DTWD2: variants seen among roughly 807,000 people sequenced by gnomAD.
The protein encoded by DTWD2 is tRNA-uridine aminocarboxypropyltransferase 2.
In DTWD2, 39 loss-of-function variants were observed where a neutral mutation model predicts 31.8. That is an observed-to-expected ratio of 1.22 (90% CI 0.95 to 1.60). The LOEUF (loss-of-function observed/expected upper bound fraction) is 1.60, where lower values mean the gene tolerates loss of function less well. Ranked by LOEUF, DTWD2 falls within the 40% of genes most tolerant of loss-of-function variation. DTWD2 has a pLI of 0.00. For missense variants in DTWD2, 515 were observed against 381.5 expected, an observed-to-expected ratio of 1.35 and a Z score of -2.92; for synonymous variants, 180 against 142.8, an observed-to-expected ratio of 1.26 and a Z score of -1.86.
At chr5:118,864,363 C>T (rs1752334863) in intron 4 of DTWD2, among the ~76,000 whole-genome samples, 1 of 150,916 alleles carries the variant, frequency 6.6e-6, no homozygotes, top group African/African-American at 2.4e-5. Flanking sequence ...GGGAACATCA[C>T]ACTCTGGGGA....
intron 1 of DTWD2, among the ~76,000 whole-genome samples, chr5:118,947,687 T>C (rs1167090958): frequency 2.0e-5 from 3 of 152,182 alleles, no homozygotes; most frequent in Admixed American, 6.5e-5. Context: ...CTTTGGGGCA[T>C]AGTTCCAGGC....
At chr5:118,891,728 C>T (rs974019161) in intron 4 of DTWD2, among the ~76,000 whole-genome samples, 4 of 152,148 alleles carry the variant, frequency 2.6e-5, no homozygotes, top group South Asian at 2.1e-4. Flanking sequence ...ATAAGATACA[C>T]TGAATGACAG....
chr5:118,884,344 A>T (rs2149556154), intron 4 of DTWD2, among the ~76,000 whole-genome samples: 1 of 152,290 alleles, frequency 6.6e-6, no homozygotes, highest in South Asian at 2.1e-4. Context: ...GAGTTCTAGA[A>T]ATGTTAAGTT....
At position 118,886,044 on chromosome 5, in the gene DTWD2, T is replaced by G. The variant is rs546295702; in HGVS notation, c.598-37826A>C. Among the ~76,000 whole-genome samples, 244 of 152,316 alleles carry G rather than the reference T, an allele frequency of 1.6e-3. 2 individuals are homozygous for G. Among genetic ancestry groups the G allele is most frequent in the African/African-American group, 5.7e-3 (237 of 41,570 alleles). On this transcript the variant is annotated intron_variant, in intron 4 of 5. Transcript: ENST00000510708. ...AAAAGAAAGGGGACCTTGGGGGAACTACCTAATAAGCCAGACCCATACAGA... is the reference window on the plus strand; with the variant it reads ...AAAAGAAAGGGGACCTTGGGGGAACGACCTAATAAGCCAGACCCATACAGA...
chr5:118,965,217 T>TG (rs1754808289), intron 1 of DTWD2, among the ~76,000 whole-genome samples: 1 of 151,566 alleles, frequency 6.6e-6, no homozygotes, highest in African/African-American at 2.4e-5. Context: ...CCGCCCCATC[T>TG]GGGAAGTGAG....
chr5:118,970,603 A>C (rs926013179), intron 1 of DTWD2, among the ~76,000 whole-genome samples: 1 of 152,182 alleles, frequency 6.6e-6, no homozygotes, highest in African/African-American at 2.4e-5. Flanking sequence ...CAACCTAGCA[A>C]GACAAGCCAA....
chr5:118,896,693 C>CG (rs1753091445), intron 4 of DTWD2, among the ~76,000 whole-genome samples: 5 of 152,218 alleles, frequency 3.3e-5, no homozygotes, highest in Admixed American at 6.5e-5. Flanking sequence ...TCAATTAATA[C>CG]TGCTCAGAAT....
At chr5:118,895,415 T>C (rs560806996) in intron 4 of DTWD2, among the ~76,000 whole-genome samples, 11 of 152,310 alleles carry the variant, frequency 7.2e-5, no homozygotes, top group African/African-American at 1.9e-4. Context: ...AGAATTAATA[T>C]TGTCAAAATG....
At chr5:118,986,769 C>G (rs902135522) in intron 1 of DTWD2, among the ~76,000 whole-genome samples, 1 of 151,696 alleles carries the variant, frequency 6.6e-6, no homozygotes, top group Non-Finnish European at 1.5e-5. Context: ...GGGAGGAGAG[C>G]TTTTCACAGG....
intron 4 of DTWD2, among the ~76,000 whole-genome samples, chr5:118,891,509 T>C (rs1168485926): frequency 6.6e-6 from 1 of 152,202 alleles, no homozygotes; most frequent in Non-Finnish European, 1.5e-5. Flanking sequence ...CATACACTGC[T>C]GCTCACAGCC....
At chr5:118,924,455 G>C (rs961891880) in intron 4 of DTWD2, among the ~76,000 whole-genome samples, 3 of 152,222 alleles carry the variant, frequency 2.0e-5, no homozygotes, top group African/African-American at 7.2e-5. Flanking sequence ...AATTCTGTCA[G>C]TTACCCATGA....
intron 4 of DTWD2, among the ~76,000 whole-genome samples, chr5:118,849,985 T>C (rs895557549): frequency 1.1e-4 from 17 of 150,424 alleles, no homozygotes; most frequent in African/African-American, 4.2e-4. Flanking sequence ...AACCTGCACA[T>C]CCTGCACATG....
intron 4 of DTWD2, among the ~76,000 whole-genome samples, chr5:118,851,519 G>A (rs1350295143): frequency 6.6e-6 from 1 of 151,944 alleles, no homozygotes; most frequent in Non-Finnish European, 1.5e-5. Flanking sequence ...AAAGAACAAA[G>A]ATCACATGCT....
intron 5 of DTWD2, among the ~76,000 whole-genome samples, chr5:118,843,143 G>C (rs532470815): frequency 6.6e-6 from 1 of 151,938 alleles, no homozygotes; most frequent in Admixed American, 6.6e-5. Context: ...TTTTAGTAGA[G>C]ACGGGGTTTC....
chr5:118,931,398 TAAAAAA>T (rs535859715), intron 3 of DTWD2, among the ~76,000 whole-genome samples: 3 of 109,782 alleles, frequency 2.7e-5, no homozygotes, highest in African/African-American at 1.0e-4. Context: ...GACCTTGTCT[TAAAAAA>T]AAAAAAAAAA....
intron 1 of DTWD2, among the ~76,000 whole-genome samples, chr5:118,961,916 C>T (rs1754714890): frequency 6.6e-6 from 1 of 152,118 alleles, no homozygotes; most frequent in South Asian, 2.1e-4. Context: ...TATAATAGTG[C>T]TATGAATAAG....
chr5:118,961,075 A>C (rs528628090), intron 1 of DTWD2, among the ~76,000 whole-genome samples: 142 of 63,994 alleles, frequency 2.2e-3, no homozygotes, highest in African/African-American at 0.015. Context: ...CAAAACTAAA[A>C]GTTAAAAAAA....
chr5:118,984,927 CTTTT>C (rs1260832158), intron 1 of DTWD2, among the ~76,000 whole-genome samples: 3 of 152,086 alleles, frequency 2.0e-5, no homozygotes, highest in Admixed American at 6.6e-5. Flanking sequence ...CATCCAGTTG[CTTTT>C]TTTATAAAAT....
chr5:118,848,215 G>A lies in DTWD2; in HGVS notation c.601C>T (p.Gln201Ter), dbSNP rs755837835. ...TGACTAGAAATGCTAGTTTTTAATT[G>A]CACCTGAAATCAAAAACAAAATAGA... Reference protein sequence around the residue: ...NSLFRHPKQVQLKTSISSQYV... With the variant: ...NSLFRHPKQV The change falls in exon 5 of 6, where the codon CAA (glutamine) becomes TAA (stop). Residue 201 changes from glutamine (Q) to a stop codon, truncating the protein, a stop_gained. Coordinates refer to ENST00000510708, the MANE Select transcript of DTWD2 (RefSeq NM_173666.4). LOFTEE classifies it high-confidence loss of function. 12 of 1,580,874 alleles carry A rather than the reference G, an allele frequency of 7.6e-6. No individual in the cohort carries two copies. Among genetic ancestry groups the A allele is most frequent in the African/African-American group, 2.7e-5 (2 of 72,862 alleles).
Sources: allele counts gnomAD v4.1 joint callset (sites outside exome capture counted in the v4.1 genomes callset), GRCh38; gene constraint gnomAD v4.1.1; transcripts MANE v1.5; gene names NCBI Gene and HGNC (gene_info 2026-07-23, HGNC 2026-07-21).